BLNK: variants seen among roughly 807,000 people sequenced by gnomAD.
BLNK encodes the protein B cell linker, also known as B-cell linker protein.
In BLNK, 29 loss-of-function variants were observed where a neutral mutation model predicts 73.5. The observed-to-expected ratio is 0.39, with a 90% CI of 0.29 to 0.54. The LOEUF (loss-of-function observed/expected upper bound fraction) is 0.54. BLNK is among the 20% of genes least tolerant of loss of function. BLNK has a pLI of 0.61. For missense variants in BLNK, 460 were observed against 562.8 expected (o/e 0.82, Z 1.85); for synonymous variants, 176 against 200.8 (o/e 0.88, Z 1.04).
Position 96,204,633 on chromosome 10 carries a change from A to G in BLNK, c.818-17T>C. The G allele has an allele frequency of 6.2e-7, 1 of 1,612,844 alleles. No individual in the cohort carries two copies. The highest frequency in any genetic ancestry group is 1.1e-5 in the South Asian group (1 of 91,056). On this transcript the variant is annotated splice_polypyrimidine_tract_variant and intron_variant, in intron 11 of 16. Transcript: ENST00000224337. The stretch of plus-strand genomic sequence containing the variant: ...TAGGTTTTTCTGGATCAGGAAAATT[A>G]TCATATTAGGATTAGAGTGAAATGT...
chr10:96,233,209 C>A (rs4918993), intron 3 of BLNK, among the ~76,000 whole-genome samples: 109,686 of 152,038 alleles, frequency 0.72, 41,807 homozygotes, highest in Non-Finnish European at 0.84. Flanking sequence ...TATAAAATGC[C>A]TTTATGAAAC....
At chr10:96,249,947 C>G (rs1389626488) in intron 1 of BLNK, among the ~76,000 whole-genome samples, 1 of 152,152 alleles carries the variant, frequency 6.6e-6, no homozygotes, top group Non-Finnish European at 1.5e-5. Flanking sequence ...ATAGGAGAAA[C>G]TTCTTTTGGG....
chr10:96,195,175 G>C (rs1436836060), intron 16 of BLNK, among the ~76,000 whole-genome samples: 2 of 152,164 alleles, frequency 1.3e-5, no homozygotes, highest in African/African-American at 4.8e-5. Context: ...GTGCTGGTGG[G>C]GATGTGAAGA....
At chr10:96,256,281 A>C (rs1279696992) in intron 1 of BLNK, among the ~76,000 whole-genome samples, 1 of 152,206 alleles carries the variant, frequency 6.6e-6, no homozygotes, top group Non-Finnish European at 1.5e-5. Flanking sequence ...AAATCTCTGT[A>C]ATGTTTTCCT....
At chr10:96,263,451 A>C (rs567392197) in intron 1 of BLNK, among the ~76,000 whole-genome samples, 2 of 152,326 alleles carry the variant, frequency 1.3e-5, no homozygotes, top group African/African-American at 4.8e-5. Flanking sequence ...CATGTCCCTC[A>C]AGCTGGCTTC....
intron 3 of BLNK, among the ~76,000 whole-genome samples, chr10:96,241,298 G>C (rs968234163): frequency 6.6e-6 from 1 of 152,218 alleles, no homozygotes; most frequent in Non-Finnish European, 1.5e-5. Flanking sequence ...CTGTAGCTCT[G>C]TGGTTTTCAC....
intron 11 of BLNK, chr10:96,204,821 G>A (rs1267517727): frequency 3.6e-6 from 2 of 562,042 alleles, no homozygotes; most frequent in East Asian, 3.4e-5. Context: ...TCCCAGCAGT[G>A]TTACAGGTAC....
intron 1 of BLNK, among the ~76,000 whole-genome samples, chr10:96,254,786 C>T (rs564497311): frequency 1.3e-5 from 2 of 152,304 alleles, no homozygotes; most frequent in East Asian, 1.9e-4. Flanking sequence ...GCTGGGATTA[C>T]AGGCATGAGC....
intron 1 of BLNK, among the ~76,000 whole-genome samples, chr10:96,255,761 C>G (rs1396737863): frequency 1.3e-5 from 2 of 152,168 alleles, no homozygotes; most frequent in East Asian, 3.8e-4. Flanking sequence ...CCCTTTACAA[C>G]AGGAAAATGC....
intron 5 of BLNK, among the ~76,000 whole-genome samples, chr10:96,226,248 G>T (rs1049221484): frequency 1.1e-4 from 16 of 152,326 alleles, no homozygotes; most frequent in Admixed American, 3.3e-4. Flanking sequence ...GGGAGTATGT[G>T]CATCTTGAGT....
chr10:96,252,574 G>A (rs1843329835), intron 1 of BLNK, among the ~76,000 whole-genome samples: 1 of 152,236 alleles, frequency 6.6e-6, no homozygotes, highest in Non-Finnish European at 1.5e-5. Flanking sequence ...ATTTGGGTGT[G>A]CGCTTTTCAG....
At chr10:96,252,825 A>G (rs1314280916) in intron 1 of BLNK, among the ~76,000 whole-genome samples, 1 of 152,076 alleles carries the variant, frequency 6.6e-6, no homozygotes, top group East Asian at 1.9e-4. Context: ...TGCCATTGCT[A>G]TTATAATATG....
At position 96,216,381 on chromosome 10, in the gene BLNK, T is replaced by C. The variant is rs115325658; in HGVS notation, c.607+272A>G. 2.0e-3 allele frequency: 989 copies of C among 488,056 alleles called. 11 individuals are homozygous for C. The highest frequency in any genetic ancestry group is 0.016 in the African/African-American group (836 of 51,860). The allele number at this position is 488,056 out of a possible 1,614,324, so 30.2% of individuals were successfully genotyped here. A position where few individuals can be genotyped will look rare whatever the true frequency, so the allele number is the denominator to read the frequency against. ...GAAATCCATTTGAAGCGAGGGCAGC[T>C]GAAGAGAACTACCCAGGTGCTTTCA... On this transcript the variant is annotated intron_variant, in intron 7 of 16. Coordinates refer to ENST00000224337, the MANE Select transcript of BLNK (RefSeq NM_013314.4).
chr10:96,216,354 G>A, intron 7 of BLNK: 2 of 418,674 alleles, frequency 4.8e-6, no homozygotes, highest in South Asian at 2.6e-5. Flanking sequence ...TAGGTTTTAT[G>A]AGAAATCCAT....
intron 15 of BLNK, 112 bp from the exon 16 acceptor site, chr10:96,197,175 T>C: frequency 1.3e-6 from 1 of 771,210 alleles, no homozygotes; most frequent in Non-Finnish European, 2.0e-6. Flanking sequence ...AGGTAAATTA[T>C]TTAGCTACAT....
At chr10:96,271,021 G>A (rs1844246500) in intron 1 of BLNK, among the ~76,000 whole-genome samples, 1 of 152,242 alleles carries the variant, frequency 6.6e-6, no homozygotes. Flanking sequence ...AGAAAAGTTG[G>A]TTGCATTCAG....
At chr10:96,246,937 G>A in intron 2 of BLNK, 47 bp downstream of exon 2, 1 of 1,407,018 alleles carries the variant, frequency 7.1e-7, no homozygotes, top group Non-Finnish European at 9.9e-7. Context: ...TGTAGCACAT[G>A]TTGACTTATT....
intron 11 of BLNK, among the ~76,000 whole-genome samples, chr10:96,206,247 TG>T (rs2083804041): frequency 6.6e-6 from 1 of 152,158 alleles, no homozygotes; most frequent in Admixed American, 6.5e-5. Flanking sequence ...TTTTTAACCC[TG>T]GGTATCTTCA....
intron 1 of BLNK, among the ~76,000 whole-genome samples, chr10:96,249,709 G>A (rs11188679): frequency 6.6e-6 from 1 of 152,086 alleles, no homozygotes. Flanking sequence ...GATGGCAGGG[G>A]GTGGTAGCCC....
Sources: gnomAD v4.1 joint callset for allele counts (sites outside exome capture counted in the v4.1 genomes callset) on GRCh38, gnomAD v4.1.1 for gene constraint, MANE v1.5 for transcripts, NCBI Gene and HGNC (gene_info 2026-07-23, HGNC 2026-07-21) for gene names.